Variants in KCNK9 observed in about 807,000 individuals in gnomAD.
KCNK9 encodes the protein potassium channel subfamily K member 9.
In KCNK9, 1 loss-of-function variant was observed where a neutral mutation model predicts 10.8. The ratio of observed to expected loss-of-function variants is 0.09; its 90% CI spans 0.03 to 0.44. The LOEUF (loss-of-function observed/expected upper bound fraction) is 0.44. KCNK9 is among the 20% of genes least tolerant of loss of function. The pLI is 0.97. For synonymous variants in KCNK9, 231 were observed against 222.7 expected, an observed-to-expected ratio of 1.04 and a Z score of -0.33; for missense variants, 303 against 515.0, an observed-to-expected ratio of 0.59 and a Z score of 3.98.
chr8:139,645,567 A>C (rs1472249404), intron 1 of KCNK9, among the ~76,000 whole-genome samples: 1 of 152,120 alleles, frequency 6.6e-6, no homozygotes, highest in Non-Finnish European at 1.5e-5. Context: ...GGTGCTCTTG[A>C]AAACCCTGAG....
rs150711656 is a variant in KCNK9 at position 139,650,301 on chromosome 8, C to T, written c.284-31202G>A. ...AGCTCACTCACGTTACTTCACAGCTCGGAGTTACTGGCAACATTCCCATCC... is the reference window on the plus strand; with the variant it reads ...AGCTCACTCACGTTACTTCACAGCTTGGAGTTACTGGCAACATTCCCATCC... On this transcript the variant is annotated intron_variant, in intron 1 of 1. Transcript: ENST00000520439. Among the ~76,000 whole-genome samples, 606 of 152,318 alleles carry T rather than the reference C, an allele frequency of 4.0e-3. 3 individuals carry two copies. The highest frequency in any genetic ancestry group is 5.0e-3 in the Non-Finnish European group (343 of 68,024).
At chr8:139,699,526 A>G (rs1817147065) in intron 1 of KCNK9, among the ~76,000 whole-genome samples, 1 of 152,230 alleles carries the variant, frequency 6.6e-6, no homozygotes, top group African/African-American at 2.4e-5. Context: ...GTTTAGAACT[A>G]AACATAATCT....
chr8:139,603,777 G>A (rs541883689), intron 2 of KCNK9, among the ~76,000 whole-genome samples: 40 of 152,342 alleles, frequency 2.6e-4, no homozygotes, highest in Non-Finnish European at 5.1e-4. Flanking sequence ...ATTATCCCTT[G>A]AAGATTCTGG....
chr8:139,614,916 G>A (rs1417882157), downstream of KCNK9, among the ~76,000 whole-genome samples: 1 of 152,154 alleles, frequency 6.6e-6, no homozygotes, highest in Non-Finnish European at 1.5e-5. Flanking sequence ...ACTGGCTGGT[G>A]GGCTCACCTT....
intron 1 of KCNK9, among the ~76,000 whole-genome samples, chr8:139,684,125 C>T (rs55752296): frequency 0.51 from 77,698 of 151,996 alleles, 20,730 homozygotes; most frequent in South Asian, 0.59. Context: ...ACTCACTGGA[C>T]ATCCCACCCA....
chr8:139,690,506 T>C (rs1803351876), intron 1 of KCNK9, among the ~76,000 whole-genome samples: 1 of 152,224 alleles, frequency 6.6e-6, no homozygotes, highest in Admixed American at 6.5e-5. Context: ...ATGCTATTTC[T>C]ACCTTTCTCT....
chr8:139,669,750 C>G (rs1816383379), intron 1 of KCNK9, among the ~76,000 whole-genome samples: 1 of 152,208 alleles, frequency 6.6e-6, no homozygotes, highest in Admixed American at 6.5e-5. Context: ...TTTTTACTGT[C>G]ATATGGAATG....
At chr8:139,629,826 A>C (rs888351606) in intron 1 of KCNK9, among the ~76,000 whole-genome samples, 10 of 151,998 alleles carry the variant, frequency 6.6e-5, no homozygotes, top group Non-Finnish European at 1.5e-4. Context: ...TGAGGGCTTC[A>C]CTCATGTGAC....
downstream of KCNK9, chr8:139,615,774 A>ATGTT (rs994014358): frequency 1.3e-5 from 2 of 152,104 alleles, no homozygotes; most frequent in African/African-American, 4.8e-5. Flanking sequence ...AGAAGAGAGA[A>ATGTT]TGTTTTCTAT....
At chr8:139,653,835 T>C (rs1168505467) in intron 1 of KCNK9, among the ~76,000 whole-genome samples, 1 of 152,196 alleles carries the variant, frequency 6.6e-6, no homozygotes, top group Non-Finnish European at 1.5e-5. Flanking sequence ...ACCAGCCAGC[T>C]CAGCTCTCGG....
chr8:139,660,774 T>C (rs1816133172), intron 1 of KCNK9, among the ~76,000 whole-genome samples: 1 of 152,100 alleles, frequency 6.6e-6, no homozygotes, highest in Non-Finnish European at 1.5e-5. Flanking sequence ...ACAGGTTGTT[T>C]TGAGAAGATA....
At chr8:139,650,165 T>C (rs552931494) in intron 1 of KCNK9, among the ~76,000 whole-genome samples, 5 of 152,242 alleles carry the variant, frequency 3.3e-5, no homozygotes, top group Admixed American at 6.5e-5. Context: ...CCAAGTAAGA[T>C]CCAAAGAAGA....
chr8:139,637,261 CAT>C (rs1449021909), intron 1 of KCNK9, among the ~76,000 whole-genome samples: 1 of 152,236 alleles, frequency 6.6e-6, no homozygotes, highest in Non-Finnish European at 1.5e-5. Flanking sequence ...CCCCAACACA[CAT>C]AGGCTTCCTT....
intron 1 of KCNK9, among the ~76,000 whole-genome samples, chr8:139,624,999 G>A (rs540105255): frequency 6.6e-6 from 1 of 152,300 alleles, no homozygotes; most frequent in Admixed American, 6.5e-5. Context: ...CCTCATCTGT[G>A]AAATGGGGCA....
At chr8:139,644,717 C>CA (rs377763686) in intron 1 of KCNK9, among the ~76,000 whole-genome samples, 5 of 112,472 alleles carry the variant, frequency 4.4e-5, no homozygotes, top group African/African-American at 2.5e-4. Context: ...CTGCCCTGTC[C>CA]CCCCCCCCCA....
Position 139,702,733 on chromosome 8 carries a change from G to C in KCNK9, c.260C>G (p.Ala87Gly). 6.2e-7 allele frequency: 1 copy of C among 1,611,516 alleles called. No homozygotes were observed. Among genetic ancestry groups the C allele is most frequent in the Non-Finnish European group, 8.5e-7 (1 of 1,179,446 alleles). Residue 87 changes from alanine (A) to glycine (G), a missense_variant, in exon 1 of 2, where the codon GCG becomes GGG. Ala to Gly is a moderately conservative substitution (Grantham distance 60, BLOSUM62 0). This residue lies in a region of KCNK9 where 22 missense variants were observed against 86.5 expected (regional missense o/e 0.25). Coordinates refer to ENST00000520439, the MANE Select transcript of KCNK9 (RefSeq NM_001282534.2). The surrounding 1 kb of genome is among the most constrained non-coding windows in gnomAD (Gnocchi z 7.5). Reference protein sequence around the residue: ...QWKFAGSFYFAITVITTIGYG... With the variant: ...QWKFAGSFYFGITVITTIGYG... ...ACCTATGGTGGTGATGACCGTGATC[G>C]CAAAGTAGAAGGAGCCGGCGAATTT... is the stretch of plus-strand genomic sequence containing the variant.
intron 1 of KCNK9, among the ~76,000 whole-genome samples, chr8:139,697,193 GGGTGGAT>G (rs1206122801): frequency 6.3e-5 from 2 of 31,896 alleles, no homozygotes. Flanking sequence ...GATGGTGGAT[GGGTGGAT>G]GAGTGGGTAG....
chr8:139,682,799 G>A (rs561356503), intron 1 of KCNK9, among the ~76,000 whole-genome samples: 9 of 152,284 alleles, frequency 5.9e-5, no homozygotes, highest in Non-Finnish European at 1.0e-4. Flanking sequence ...TGACGTTGCC[G>A]TAGTGCAGTG....
intron 1 of KCNK9, among the ~76,000 whole-genome samples, chr8:139,666,084 A>G (rs1816292261): frequency 6.6e-6 from 1 of 152,224 alleles, no homozygotes; most frequent in Non-Finnish European, 1.5e-5. Flanking sequence ...CTGGGATTTG[A>G]TCCCAGCTAC....
Sources: allele counts gnomAD v4.1 joint callset (sites outside exome capture counted in the v4.1 genomes callset), GRCh38; gene constraint gnomAD v4.1.1; regional missense constraint gnomAD v4.1.1; non-coding constraint Gnocchi (gnomAD v3.1); transcripts MANE v1.5; gene names NCBI Gene and HGNC (gene_info 2026-07-23, HGNC 2026-07-21).